The following CRB1 variants were observed in gnomAD, a reference collection of about 807,000 sequenced individuals.
The protein encoded by CRB1 is protein crumbs homolog 1.
A neutral mutation model predicts 120.0 loss-of-function variants in CRB1; 83 were observed. The ratio of observed to expected loss-of-function variants is 0.69; its 90% CI spans 0.58 to 0.83. The LOEUF (loss-of-function observed/expected upper bound fraction) is 0.83, where lower values mean the gene tolerates loss of function less well. CRB1 is among the 40% of genes least tolerant of loss of function. The pLI is 0.00. For synonymous variants in CRB1, 625 were observed against 612.5 expected, an observed-to-expected ratio of 1.02 and a Z score of -0.30; for missense variants, 1,699 against 1,687.6, an observed-to-expected ratio of 1.01 and a Z score of -0.12.
chr1:197,215,758 A>G, the CRB1 span, among the ~76,000 whole-genome samples: 1 of 152,130 alleles, frequency 6.6e-6, no homozygotes, highest in Non-Finnish European at 1.5e-5. Context: ...ATGTTTCCTG[A>G]GGCCTTCCCA....
intron 9 of CRB1, among the ~76,000 whole-genome samples, chr1:197,436,040 T>C (rs1440624889): frequency 1.3e-5 from 2 of 152,198 alleles, no homozygotes; most frequent in Non-Finnish European, 2.9e-5. Context: ...CCGAAAACAG[T>C]ACATTAAAGT....
At chr1:197,302,741 C>A (rs1656943176) in intron 1 of CRB1, among the ~76,000 whole-genome samples, 2 of 152,204 alleles carry the variant, frequency 1.3e-5, no homozygotes, top group South Asian at 2.1e-4. Flanking sequence ...GATCTCATGG[C>A]AAAATGTGGG....
intron 6 of CRB1, 105 bp downstream of exon 6, chr1:197,422,061 C>T: frequency 9.7e-7 from 1 of 1,027,132 alleles, no homozygotes; most frequent in South Asian, 1.4e-5. Context: ...ACATAATGAC[C>T]CCACAAGACT....
At chr1:197,313,965 A>T (rs1657697731) in intron 1 of CRB1, among the ~76,000 whole-genome samples, 1 of 152,212 alleles carries the variant, frequency 6.6e-6, no homozygotes, top group South Asian at 2.1e-4. Flanking sequence ...AGGGTAACAG[A>T]TTCATTAACT....
the CRB1 span, among the ~76,000 whole-genome samples, chr1:197,228,751 G>A: frequency 5.3e-5 from 8 of 152,204 alleles, no homozygotes; most frequent in Non-Finnish European, 7.4e-5. Context: ...GTATTAGTTC[G>A]TTTTCATGCT....
chr1:197,346,583 T>C (rs912068714), intron 3 of CRB1, among the ~76,000 whole-genome samples: 1 of 152,212 alleles, frequency 6.6e-6, no homozygotes, highest in African/African-American at 2.4e-5. Flanking sequence ...TTCATAGATA[T>C]TCTTTTCCCA....
the CRB1 span, among the ~76,000 whole-genome samples, chr1:197,239,303 T>C: frequency 9.3e-4 from 142 of 152,258 alleles, no homozygotes; most frequent in African/African-American, 3.2e-3. Flanking sequence ...AATTTTGATA[T>C]TAAAATATCA....
chr1:197,304,273 T>C (rs1299222829), intron 1 of CRB1: 2 of 301,824 alleles, frequency 6.6e-6, no homozygotes, highest in African/African-American at 4.5e-5. Context: ...TTTTTTAACA[T>C]AAGTTAAATG....
chr1:197,273,541 T>C (rs1397631019), intron 1 of CRB1, among the ~76,000 whole-genome samples: 1 of 152,168 alleles, frequency 6.6e-6, no homozygotes, highest in Non-Finnish European at 1.5e-5. Context: ...AAAATTTACA[T>C]AAATTATTCG....
At chr1:197,225,193 G>C in the CRB1 span, among the ~76,000 whole-genome samples, 1 of 151,066 alleles carries the variant, frequency 6.6e-6, no homozygotes, top group Admixed American at 6.6e-5. Flanking sequence ...TGGCTCCAGG[G>C]CCCAGATTTA....
rs1571555801 is a variant in CRB1 at position 197,434,826 on chromosome 1, T to C, written c.2963T>C (p.Ile988Thr). The stretch of plus-strand genomic sequence containing the variant: ...TTCAGAACAAGGGATGCAAATGTAA[T>C]AATATTGCATGCAGAAAAAGAGCCT... ...FGFRTRDANVIILHAEKEPEF... is the reference protein window; with the variant it reads ...FGFRTRDANVTILHAEKEPEF... Residue 988 changes from isoleucine to threonine, a missense_variant, in exon 9 of 12, where the codon ATA becomes ACA. By Grantham distance (89) the Ile-to-Thr change is moderately conservative. Transcript: ENST00000367400. 5.0e-6 allele frequency: 8 copies of C among 1,613,844 alleles called. No individual in the cohort carries two copies. Among genetic ancestry groups the C allele is most frequent in the South Asian group, 3.3e-5 (3 of 91,086 alleles).
chr1:197,463,324 C>T (rs953226684), intron 11 of CRB1, among the ~76,000 whole-genome samples: 1 of 152,110 alleles, frequency 6.6e-6, no homozygotes, highest in Admixed American at 6.6e-5. Context: ...CACCCATCAG[C>T]CTACTTTATT....
intron 5 of CRB1, among the ~76,000 whole-genome samples, chr1:197,409,632 A>C (rs1394023591): frequency 6.6e-6 from 1 of 152,188 alleles, no homozygotes; most frequent in East Asian, 1.9e-4. Context: ...AGTCAGGCAG[A>C]CTGAGTACCA....
the CRB1 span, among the ~76,000 whole-genome samples, chr1:197,211,967 G>A: frequency 6.6e-6 from 1 of 151,692 alleles, no homozygotes; most frequent in South Asian, 2.1e-4. Context: ...AATATAAAAT[G>A]AAAAAAATAT....
In CRB1 at chr1:197,319,033, T is replaced by G. The variant is rs572262804; in HGVS notation, c.71-9389T>G. Among the ~76,000 whole-genome samples the G allele has an allele frequency of 1.1e-3, 166 of 151,994 alleles. 1 individual carries two copies. Among genetic ancestry groups the G allele is most frequent in the African/African-American group, 4.0e-3 (165 of 41,442 alleles). ...TTATCAGAAATTGACTTTTTAAATA[T>G]GAGACTATAATAGGACCTGATAATA... On this transcript the variant is annotated intron_variant, in intron 1 of 11. Coordinates refer to ENST00000367400, the MANE Select transcript of CRB1 (RefSeq NM_201253.3).
chr1:197,405,318 T>G (rs1571486337), intron 5 of CRB1, among the ~76,000 whole-genome samples: 1 of 152,128 alleles, frequency 6.6e-6, no homozygotes. Context: ...CCGCGAGTGA[T>G]CCGCCAGCCT....
At chr1:197,443,557 A>G (rs952409804) in intron 11 of CRB1, 3 of 151,890 alleles carry the variant, frequency 2.0e-5, no homozygotes, top group Non-Finnish European at 4.4e-5. Context: ...ATTTAAAAGT[A>G]TATATTGTAA....
chr1:197,315,159 G>T (rs1172446595), intron 1 of CRB1, among the ~76,000 whole-genome samples: 1 of 152,112 alleles, frequency 6.6e-6, no homozygotes, highest in African/African-American at 2.4e-5. Flanking sequence ...ACAGTGCTCA[G>T]TTCCCAAAAA....
intron 11 of CRB1, among the ~76,000 whole-genome samples, chr1:197,475,116 C>T (rs981985433): frequency 2.6e-5 from 4 of 152,142 alleles, no homozygotes; most frequent in Admixed American, 2.6e-4. Flanking sequence ...ACTTCAAAAG[C>T]TCCAGTCATT....
Sources: gnomAD v4.1 joint callset for allele counts (sites outside exome capture counted in the v4.1 genomes callset) on GRCh38, gnomAD v4.1.1 for gene constraint, MANE v1.5 for transcripts, NCBI Gene and HGNC (gene_info 2026-07-23, HGNC 2026-07-21) for gene names.